Variants in SLC15A5 observed in about 807,000 individuals in gnomAD.
SLC15A5 encodes solute carrier family 15 member 5, also known as Peptide/histidine transporter ENSP00000340402.
Under a neutral mutation model 56.1 loss-of-function variants are expected in SLC15A5, and 58 were observed. That is an observed-to-expected ratio of 1.03 (90% CI 0.84 to 1.29). The LOEUF (loss-of-function observed/expected upper bound fraction) is 1.29, where lower values mean the gene tolerates loss of function less well. Among genes scored for constraint, SLC15A5 ranks in the 50% most tolerant of loss-of-function variants. The probability of loss-of-function intolerance (pLI) is 0.00; values close to 1 mark genes in which losing one functional copy is unlikely to be tolerated. For synonymous variants in SLC15A5, 264 were observed against 250.5 expected (o/e 1.05, Z -0.51); for missense variants, 681 against 672.1 (o/e 1.01, Z -0.15).
rs973138571 is a variant in SLC15A5, at chr12:16,237,865, A to G, written c.1162+1816T>C. Among the ~76,000 whole-genome samples the G allele has an allele frequency of 2.0e-5, 3 of 152,162 alleles. No individual in the cohort carries two copies. Among genetic ancestry groups the G allele is most frequent in the South Asian group, 2.1e-4 (1 of 4,818 alleles). ...TTTGTCCTGCATGCATTATGTTTCA[A>G]TCATGGACTTGCTGAAGGTATATAC... is the stretch of plus-strand genomic sequence containing the variant. On this transcript the variant is annotated intron_variant, in intron 5 of 8. Transcript: ENST00000344941. The surrounding 1 kb of genome is among the most constrained non-coding windows in gnomAD (Gnocchi z 4.1).
chr12:16,236,105 C>T (rs571865800), intron 5 of SLC15A5, among the ~76,000 whole-genome samples: 2 of 152,232 alleles, frequency 1.3e-5, no homozygotes, highest in East Asian at 3.9e-4. Flanking sequence ...GCCTTAATAA[C>T]AATCTTAATT....
At chr12:16,195,082 C>T (rs1017751050) in intron 7 of SLC15A5, among the ~76,000 whole-genome samples, 3 of 151,936 alleles carry the variant, frequency 2.0e-5, no homozygotes, top group African/African-American at 4.8e-5. Context: ...AATAAAGGAT[C>T]TGTACTTCAT....
intron 7 of SLC15A5, among the ~76,000 whole-genome samples, chr12:16,195,347 T>C (rs561129826): frequency 2.0e-5 from 3 of 152,232 alleles, no homozygotes; most frequent in East Asian, 3.9e-4. Flanking sequence ...ATATTGTATA[T>C]GTGATACTTA....
Position 16,224,682 on chromosome 12 carries a change from C to T in SLC15A5, c.1163-80G>A, listed in dbSNP as rs564247632. 5 of 1,294,412 alleles carry T rather than the reference C, an allele frequency of 3.9e-6. No homozygotes were observed. In the South Asian group the frequency reaches 8.2e-5, roughly 21 times the overall value. 80.2% of individuals were successfully genotyped at this position (1,294,412 alleles called of 1,614,324 possible). On this transcript the variant is annotated intron_variant, in intron 5 of 8. Transcript: ENST00000344941. ...TGTAATAAGCCATAACATTTCTTAC[C>T]CATTGACATTAGATGTTTCTTTTTT...
rs574586786 is a variant in SLC15A5, at chr12:16,237,317, C to G, written c.1162+2364G>C. The stretch of plus-strand genomic sequence containing the variant: ...TCATCGCACTTTTATATTCCCATAG[C>G]AAAACGTTATGCAAATAAACGTACA... On this transcript the variant is annotated intron_variant, in intron 5 of 8. Transcript: ENST00000344941. The surrounding 1 kb of genome is among the most constrained non-coding windows in gnomAD (Gnocchi z 4.1). Among the ~76,000 whole-genome samples the G allele has an allele frequency of 2.6e-5, 4 of 152,052 alleles. No homozygotes were observed. Among genetic ancestry groups the G allele is most frequent in the Non-Finnish European group, 5.9e-5 (4 of 67,986 alleles).
At chr12:16,230,962 C>T (rs1402142763) in intron 5 of SLC15A5, among the ~76,000 whole-genome samples, 2 of 151,714 alleles carry the variant, frequency 1.3e-5, no homozygotes, top group Non-Finnish European at 2.9e-5. Context: ...TAATTATGTT[C>T]TTCAAGGTTT....
chr12:16,241,468 G>C (rs529394168), intron 4 of SLC15A5, among the ~76,000 whole-genome samples: 1 of 152,270 alleles, frequency 6.6e-6, no homozygotes, highest in South Asian at 2.1e-4. Context: ...GCAAACACAG[G>C]ACAAGACCAC....
At chr12:16,210,283 C>T (rs1178739857) in intron 7 of SLC15A5, among the ~76,000 whole-genome samples, 2 of 152,094 alleles carry the variant, frequency 1.3e-5, no homozygotes, top group Admixed American at 6.6e-5. Flanking sequence ...ATAAATTTGC[C>T]ATGCGTAGGA....
At chr12:16,242,658 G>A (rs1240553692) in intron 4 of SLC15A5, among the ~76,000 whole-genome samples, 4 of 152,100 alleles carry the variant, frequency 2.6e-5, no homozygotes, top group African/African-American at 9.7e-5. Context: ...TTGGTGATAT[G>A]CTTAAAAATT....
At chr12:16,224,370 A>G in intron 6 of SLC15A5, 44 bp downstream of exon 6, 1 of 1,514,258 alleles carries the variant, frequency 6.6e-7, no homozygotes, top group South Asian at 1.2e-5. Context: ...TTCTGTGTAA[A>G]GGTTCAGTAT....
intron 2 of SLC15A5, among the ~76,000 whole-genome samples, chr12:16,268,809 C>G (rs1188482474): frequency 6.6e-6 from 1 of 151,954 alleles, no homozygotes; most frequent in African/African-American, 2.4e-5. Context: ...TCTGAATCAC[C>G]TGAAGTACTT....
chr12:16,242,250 G>T lies in SLC15A5; in HGVS notation c.975+2330C>A, dbSNP rs551521204. Among the ~76,000 whole-genome samples, 658 of 152,284 alleles carry T rather than the reference G, an allele frequency of 4.3e-3. 3 individuals are homozygous for T. The highest frequency in any genetic ancestry group is 0.015 in the African/African-American group (641 of 41,552). ...ATCTGGGGGCAAAAAACTAAACCCA[G>T]CCTATCCTATTGGAAATTCCTCTGC... On this transcript the variant is annotated intron_variant, in intron 4 of 8. Coordinates refer to ENST00000344941, the MANE Select transcript of SLC15A5 (RefSeq NM_001170798.1).
chr12:16,200,084 G>A (rs1822896867), intron 7 of SLC15A5, among the ~76,000 whole-genome samples: 1 of 151,806 alleles, frequency 6.6e-6, no homozygotes, highest in Non-Finnish European at 1.5e-5. Flanking sequence ...TGAGTAAACA[G>A]AAAAAGGGTC....
chr12:16,253,034 G>A (rs971173061), intron 3 of SLC15A5, among the ~76,000 whole-genome samples: 1 of 136,154 alleles, frequency 7.3e-6, no homozygotes, highest in Non-Finnish European at 1.6e-5. Context: ...GACTACGTAA[G>A]GGGGAAAGGA....
At chr12:16,252,199 G>C (rs1240200631) in intron 3 of SLC15A5, among the ~76,000 whole-genome samples, 1 of 151,912 alleles carries the variant, frequency 6.6e-6, no homozygotes, top group African/African-American at 2.4e-5. Flanking sequence ...TCCCACCGCT[G>C]ACATCATACT....
At chr12:16,204,024 A>G (rs1268770325) in intron 7 of SLC15A5, among the ~76,000 whole-genome samples, 5 of 152,210 alleles carry the variant, frequency 3.3e-5, no homozygotes, top group Non-Finnish European at 7.3e-5. Flanking sequence ...TTATATGAAG[A>G]AAAAACCTTA....
chr12:16,246,460 G>T (rs1290500204), intron 3 of SLC15A5, among the ~76,000 whole-genome samples: 2 of 152,176 alleles, frequency 1.3e-5, no homozygotes. Flanking sequence ...ACAAGCCTGG[G>T]CTGGGTGGCT....
chr12:16,214,801 G>C (rs947756643), intron 7 of SLC15A5, among the ~76,000 whole-genome samples: 2 of 152,052 alleles, frequency 1.3e-5, no homozygotes, highest in South Asian at 4.2e-4. Flanking sequence ...AATTTTTCTA[G>C]CAAATTATCA....
intron 6 of SLC15A5, among the ~76,000 whole-genome samples, chr12:16,221,110 A>G (rs1048398795): frequency 6.6e-6 from 1 of 152,168 alleles, no homozygotes; most frequent in Non-Finnish European, 1.5e-5. Flanking sequence ...AAAAGTTTGA[A>G]TAATACATTT....
Sources: allele counts gnomAD v4.1 joint callset (sites outside exome capture counted in the v4.1 genomes callset), GRCh38; gene constraint gnomAD v4.1.1; non-coding constraint Gnocchi (gnomAD v3.1); transcripts MANE v1.5; gene names NCBI Gene and HGNC (gene_info 2026-07-23, HGNC 2026-07-21).